The following SNX8 variants were observed in gnomAD, a reference collection of about 807,000 sequenced individuals.
The protein encoded by SNX8 is sorting nexin 8, also known as sorting nexin-8.
In SNX8, 25 loss-of-function variants were observed where a neutral mutation model predicts 51.6. The observed-to-expected ratio is 0.48, with a 90% CI of 0.35 to 0.68. The LOEUF (loss-of-function observed/expected upper bound fraction) is 0.68, where lower values mean the gene tolerates loss of function less well. SNX8 is among the 30% of genes least tolerant of loss of function. The pLI is 0.00. For missense variants in SNX8, 695 were observed against 624.0 expected (o/e 1.11, Z -1.21); for synonymous variants, 324 against 277.0 (o/e 1.17, Z -1.68).
intron 1 of SNX8, among the ~76,000 whole-genome samples, chr7:2,326,383 G>A (rs1778621375): frequency 6.8e-6 from 1 of 148,086 alleles, no homozygotes; most frequent in Non-Finnish European, 1.5e-5. Context: ...AAAATAAAAG[G>A]GGCCGGGCAC....
upstream of SNX8, among the ~76,000 whole-genome samples, chr7:2,317,104 G>A (rs1245584762): frequency 6.6e-6 from 1 of 151,980 alleles, no homozygotes; most frequent in African/African-American, 2.4e-5. Context: ...GAGGAATAAG[G>A]AGTTAAGTAG....
chr7:2,267,474 C>T (rs1297197217), intron 5 of SNX8, among the ~76,000 whole-genome samples: 1 of 130,816 alleles, frequency 7.6e-6, no homozygotes, highest in Non-Finnish European at 1.7e-5. Flanking sequence ...AGGCACGCGC[C>T]GCCACGCCTG....
At chr7:2,339,606 A>G (rs57521713) in intron 1 of SNX8, among the ~76,000 whole-genome samples, 2,263 of 152,292 alleles carry the variant, frequency 0.015, 54 homozygotes, top group African/African-American at 0.052. Flanking sequence ...GATGTATAAA[A>G]TTAATGTAAT....
intron 6 of SNX8, 131 bp downstream of exon 6, chr7:2,264,165 TTC>T (rs2115102856): frequency 1.2e-6 from 1 of 840,702 alleles, no homozygotes; most frequent in East Asian, 2.8e-5. Flanking sequence ...CTGAGCCACT[TTC>T]TGCCCCTTCT....
At chr7:2,290,156 G>A (rs1328135284) in intron 1 of SNX8, among the ~76,000 whole-genome samples, 1 of 152,016 alleles carries the variant, frequency 6.6e-6, no homozygotes, top group Non-Finnish European at 1.5e-5. Flanking sequence ...TTACACCACG[G>A]CCCTCCAGCC....
chr7:2,263,862 G>A (rs1283190565), intron 6 of SNX8, among the ~76,000 whole-genome samples: 2 of 152,054 alleles, frequency 1.3e-5, no homozygotes, highest in Non-Finnish European at 2.9e-5. Flanking sequence ...ACAGGCACCC[G>A]CCACCACGCC....
At chr7:2,316,789 CCACT>C (rs1169497062), upstream of SNX8, among the ~76,000 whole-genome samples, 30 of 151,132 alleles carry the variant, frequency 2.0e-4, no homozygotes, top group African/African-American at 4.6e-4. Flanking sequence ...ATCCACCCAC[CCACT>C]CACTCACTCA....
chr7:2,257,041 G>A lies in SNX8; in HGVS notation c.1135-18C>T, dbSNP rs372247650. 4.5e-5 allele frequency: 72 copies of A among 1,587,102 alleles called. No homozygotes were observed. Among genetic ancestry groups the A allele is most frequent in the Non-Finnish European group, 6.0e-5 (70 of 1,163,594 alleles). On this transcript the variant is annotated intron_variant, in intron 9 of 10. Coordinates refer to ENST00000222990, the MANE Select transcript of SNX8 (RefSeq NM_013321.4). ...TTCTCCTGCTGCGGAGCAAACAGCC[G>A]CCTTTCGCACCCGGCCCAGCCGGCG...
intron 1 of SNX8, among the ~76,000 whole-genome samples, chr7:2,281,070 G>A (rs1412317154): frequency 6.6e-6 from 1 of 151,994 alleles, no homozygotes; most frequent in Non-Finnish European, 1.5e-5. Context: ...TGGGATTACA[G>A]GCATGAGACA....
chr7:2,291,746 G>A (rs957342246), intron 1 of SNX8, among the ~76,000 whole-genome samples: 4 of 152,104 alleles, frequency 2.6e-5, no homozygotes, highest in African/African-American at 7.2e-5. Context: ...TTCCCACCCC[G>A]GTTAAGGGTC....
intron 1 of SNX8, among the ~76,000 whole-genome samples, chr7:2,286,631 GC>G (rs1170859702): frequency 1.3e-5 from 2 of 150,976 alleles, no homozygotes; most frequent in Admixed American, 1.3e-4. Context: ...CCATTCTCCT[GC>G]CTCAGCCTCC....
chr7:2,269,762 G>C (rs897658153), intron 4 of SNX8, 123 bp from the exon 5 acceptor site: 5 of 580,902 alleles, frequency 8.6e-6, no homozygotes, highest in Non-Finnish European at 1.5e-5. Flanking sequence ...TCCATATGTT[G>C]GCTTTGACAT....
intron 1 of SNX8, among the ~76,000 whole-genome samples, chr7:2,328,446 C>G (rs1461426805): frequency 6.6e-6 from 1 of 152,198 alleles, no homozygotes; most frequent in Non-Finnish European, 1.5e-5. Context: ...CCTGCCTTGG[C>G]CTCCCAAAGT....
intron 1 of SNX8, among the ~76,000 whole-genome samples, chr7:2,305,081 C>T (rs1458116645): frequency 1.3e-5 from 2 of 152,130 alleles, no homozygotes; most frequent in Admixed American, 1.3e-4. Context: ...GCTGTGCTGC[C>T]GGTGGGTCAC....
chr7:2,272,034 G>A (rs1260169496), intron 3 of SNX8, 63 bp from the exon 4 acceptor site: 6 of 1,600,730 alleles, frequency 3.7e-6, no homozygotes, highest in Admixed American at 1.7e-5. Flanking sequence ...TTCTGCTCTG[G>A]GCGAGTTCTC....
intron 7 of SNX8, among the ~76,000 whole-genome samples, chr7:2,259,444 C>T (rs1345478509): frequency 3.3e-5 from 5 of 152,194 alleles, no homozygotes; most frequent in East Asian, 1.9e-4. Flanking sequence ...ACGCACTGCA[C>T]GTCAAGCTCA....
rs951684244 is a variant in SNX8, at chr7:2,253,535, C to G, written c.*1521G>C. 1.3e-5 allele frequency: 2 copies of G among 152,300 alleles called. No homozygotes were observed. The highest frequency in any genetic ancestry group is 1.9e-4 in the East Asian group (1 of 5,200). 9.4% of individuals were successfully genotyped at this position (152,300 alleles called of 1,614,324 possible). ...GGGACTCACGGGACAGCCCACCCAT[C>G]GGGCTCCAAAGGGAACGCTGCCCTC... On this transcript the variant is annotated 3_prime_UTR_variant, in exon 11 of 11. Coordinates refer to ENST00000222990, the MANE Select transcript of SNX8 (RefSeq NM_013321.4).
intron 6 of SNX8, among the ~76,000 whole-genome samples, chr7:2,263,744 C>T (rs569293650): frequency 1.3e-5 from 2 of 151,894 alleles, no homozygotes; most frequent in Non-Finnish European, 1.5e-5. Context: ...GACGGAGTCT[C>T]GCTGTATCAC....
intron 1 of SNX8, among the ~76,000 whole-genome samples, chr7:2,350,512 C>T (rs936750523): frequency 2.0e-5 from 3 of 152,164 alleles, no homozygotes; most frequent in African/African-American, 4.8e-5. Context: ...GAAATTAAAG[C>T]TTACCCCTGG....
Sources: allele counts gnomAD v4.1 joint callset (sites outside exome capture counted in the v4.1 genomes callset), GRCh38; gene constraint gnomAD v4.1.1; transcripts MANE v1.5; gene names NCBI Gene and HGNC (gene_info 2026-07-23, HGNC 2026-07-21).